The following COL5A2 variants were observed in gnomAD, a reference collection of about 807,000 sequenced individuals.
COL5A2 encodes the protein collagen alpha-2(V) chain.
In COL5A2, 23 loss-of-function variants were observed where a neutral mutation model predicts 208.2. The ratio of observed to expected loss-of-function variants is 0.11; its 90% CI spans 0.08 to 0.16. COL5A2 has a LOEUF of 0.16. Among genes scored for constraint, COL5A2 ranks in the 10% least tolerant of loss-of-function variants. The probability of loss-of-function intolerance (pLI) is 1.00; values close to 1 mark genes in which losing one functional copy is unlikely to be tolerated. For synonymous variants in COL5A2, 625 were observed against 628.5 expected, an observed-to-expected ratio of 0.99 and a Z score of 0.08; for missense variants, 1,590 against 1,956.4, an observed-to-expected ratio of 0.81 and a Z score of 3.53.
At chr2:189,168,072 G>A (rs1372293010) in intron 1 of COL5A2, among the ~76,000 whole-genome samples, 1 of 151,650 alleles carries the variant, frequency 6.6e-6, no homozygotes, top group East Asian at 1.9e-4. Flanking sequence ...CGAGTAGCTG[G>A]GACTACAGGC....
chr2:189,302,867 C>T, the COL5A2 span, among the ~76,000 whole-genome samples: 143,914 of 152,172 alleles, frequency 0.95, 68,118 homozygotes, highest in South Asian at 0.96. Context: ...GGAACTCTTA[C>T]TTTACTTCGT....
chr2:189,383,472 C>T, the COL5A2 span, among the ~76,000 whole-genome samples: 3 of 152,092 alleles, frequency 2.0e-5, no homozygotes, highest in African/African-American at 7.2e-5. Flanking sequence ...GTCAAGGCTT[C>T]AACGTATGAA....
chr2:189,309,112 A>T, the COL5A2 span, among the ~76,000 whole-genome samples: 1 of 152,216 alleles, frequency 6.6e-6, no homozygotes, highest in African/African-American at 2.4e-5. Context: ...TGAATAGGGC[A>T]TGAGAGGGTC....
chr2:189,110,791 A>G (rs570856550), intron 1 of COL5A2, among the ~76,000 whole-genome samples: 1 of 152,298 alleles, frequency 6.6e-6, no homozygotes, highest in East Asian at 1.9e-4. Flanking sequence ...CCATCTGAAA[A>G]TGGGGAGAAA....
At chr2:189,216,160 T>G (rs10931402) in intron 1 of COL5A2, among the ~76,000 whole-genome samples, 21,995 of 152,166 alleles carry the variant, frequency 0.14, 2,009 homozygotes, top group South Asian at 0.2. Context: ...GCAAGTCAAA[T>G]TAATTGTAAT....
intron 1 of COL5A2, among the ~76,000 whole-genome samples, chr2:189,110,978 G>A (rs1354239064): frequency 1.3e-5 from 2 of 152,102 alleles, no homozygotes; most frequent in Admixed American, 1.3e-4. Flanking sequence ...ATTTTTAAAT[G>A]TACAGTAAAA....
the COL5A2 span, among the ~76,000 whole-genome samples, chr2:189,242,189 C>T: frequency 2.0e-5 from 3 of 152,190 alleles, no homozygotes; most frequent in East Asian, 5.8e-4. Context: ...CCATTTGATA[C>T]CTTTGTGCTT....
the COL5A2 span, among the ~76,000 whole-genome samples, chr2:189,357,772 A>AAAAC: frequency 6.0e-5 from 9 of 151,082 alleles, no homozygotes; most frequent in African/African-American, 1.9e-4. Context: ...TGAAAAAAAA[A>AAAAC]AAAAAAAACT....
rs577474668 is a variant in COL5A2 at position 189,033,658 on chromosome 2, T to TA, written c.*411dup. On this transcript the variant is annotated 3_prime_UTR_variant, in exon 54 of 54. Transcript: ENST00000374866. ...ATTTTTCAACTGCAGCCAAGCAAAA[T>TA]AAACATGTGTTGTGGCTCTATATAC... The TA allele has an allele frequency of 8.0e-5, 15 of 187,140 alleles. No homozygotes were observed. The highest frequency in any genetic ancestry group is 4.1e-4 in the South Asian group (4 of 9,846). The allele number at this position is 187,140 out of a possible 1,614,324, so 11.6% of individuals were successfully genotyped here. A position where few individuals can be genotyped will look rare whatever the true frequency, so the allele number is the denominator to read the frequency against.
rs979185907 is a variant in COL5A2 at position 189,079,666 on chromosome 2, G to T, written c.960+312C>A. 6.6e-5 allele frequency among the ~76,000 whole-genome samples: 10 copies of T among 152,058 alleles called. 1 individual carries two copies. The highest frequency in any genetic ancestry group is 1.5e-4 in the Non-Finnish European group (10 of 67,992). On this transcript the variant is annotated intron_variant, in intron 14 of 53. Transcript: ENST00000374866. ...ACTAATGAACTATCTAAACCTTTCA[G>T]ATATTTTTTAAAAAGAAAAATGAAT...
the COL5A2 span, among the ~76,000 whole-genome samples, chr2:189,361,849 A>T: frequency 6.6e-5 from 10 of 152,010 alleles, no homozygotes; most frequent in Non-Finnish European, 1.0e-4. Context: ...TAAACTGATA[A>T]TGACTTACCT....
chr2:189,377,628 C>T, the COL5A2 span, among the ~76,000 whole-genome samples: 3 of 152,160 alleles, frequency 2.0e-5, no homozygotes, highest in Non-Finnish European at 2.9e-5. Flanking sequence ...CACTAATCTC[C>T]CTACTCCATT....
chr2:189,231,533 G>A, the COL5A2 span, among the ~76,000 whole-genome samples: 1 of 151,464 alleles, frequency 6.6e-6, no homozygotes, highest in African/African-American at 2.4e-5. Context: ...TGCGTTTAAG[G>A]CAACTACATA....
At chr2:189,413,084 A>G in the COL5A2 span, among the ~76,000 whole-genome samples, 3 of 152,334 alleles carry the variant, frequency 2.0e-5, no homozygotes, top group South Asian at 6.2e-4. Context: ...TATTCACAGA[A>G]TAATTTCTAT....
intron 1 of COL5A2, among the ~76,000 whole-genome samples, chr2:189,197,640 T>A (rs1487391298): frequency 6.6e-6 from 1 of 151,862 alleles, no homozygotes; most frequent in Non-Finnish European, 1.5e-5. Context: ...AATTTATTTA[T>A]TCTACAAATG....
chr2:189,242,219 C>G, the COL5A2 span, among the ~76,000 whole-genome samples: 2 of 152,128 alleles, frequency 1.3e-5, no homozygotes, highest in South Asian at 2.1e-4. Context: ...TCTTAATTTT[C>G]CTGTCACTGA....
upstream of COL5A2, among the ~76,000 whole-genome samples, chr2:189,225,934 G>T (rs1353612386): frequency 6.6e-6 from 1 of 152,076 alleles, no homozygotes; most frequent in East Asian, 1.9e-4. Context: ...AACTGCCTGT[G>T]TTTAATTCCC....
At chr2:189,220,042 T>C (rs776927864) in intron 1 of COL5A2, among the ~76,000 whole-genome samples, 1 of 151,874 alleles carries the variant, frequency 6.6e-6, no homozygotes, top group Non-Finnish European at 1.5e-5. Flanking sequence ...TAATGTCTCA[T>C]GATGGGTCGA....
intron 1 of COL5A2, among the ~76,000 whole-genome samples, chr2:189,218,194 A>C (rs1457041415): frequency 1.3e-5 from 2 of 152,194 alleles, no homozygotes; most frequent in African/African-American, 4.8e-5. Context: ...TAATGGGTTG[A>C]ATACTTTCTC....
Sources: allele counts gnomAD v4.1 joint callset (sites outside exome capture counted in the v4.1 genomes callset), GRCh38; gene constraint gnomAD v4.1.1; transcripts MANE v1.5; gene names NCBI Gene and HGNC (gene_info 2026-07-23, HGNC 2026-07-21).